The following AGBL2 variants were observed in gnomAD, a reference collection of about 807,000 sequenced individuals.
The protein encoded by AGBL2 is AGBL carboxypeptidase 2, also known as cytosolic carboxypeptidase 2.
In AGBL2, 87 loss-of-function variants were observed where a neutral mutation model predicts 103.0. The observed-to-expected ratio is 0.84, with a 90% CI of 0.71 to 1.01. The LOEUF (loss-of-function observed/expected upper bound fraction) is 1.01. AGBL2 is among the 50% of genes least tolerant of loss of function. AGBL2 has a pLI of 0.00. For missense variants in AGBL2, 904 were observed against 1,023.5 expected, an observed-to-expected ratio of 0.88 and a Z score of 1.59; for synonymous variants, 335 against 356.7, an observed-to-expected ratio of 0.94 and a Z score of 0.69.
chr11:47,710,089 A>C, intron 4 of AGBL2: 1 of 288,892 alleles, frequency 3.5e-6, no homozygotes, highest in East Asian at 6.7e-5. Flanking sequence ...GGGTTTTGCC[A>C]TGCTGGTCAG....
At chr11:47,666,780 T>C in intron 17 of AGBL2, 176 bp downstream of exon 17, 1 of 661,622 alleles carries the variant, frequency 1.5e-6, no homozygotes, top group East Asian at 2.7e-5. Flanking sequence ...TTCAGTCATG[T>C]CTAATCCAAA....
At chr11:47,665,719 G>T (rs2097339620) in intron 17 of AGBL2, among the ~76,000 whole-genome samples, 1 of 152,070 alleles carries the variant, frequency 6.6e-6, no homozygotes, top group Non-Finnish European at 1.5e-5. Flanking sequence ...TTTCCAAAGT[G>T]TTGGGTTTGG....
rs959860760 is a variant in AGBL2, at chr11:47,681,300, C to G, written c.1915+669G>C. ...AGAGCCATGATCATGCCACTACACT[C>G]TAGCCTGGGTGAAAGAAACCCTGTC... On this transcript the variant is annotated intron_variant, in intron 12 of 18. Transcript: ENST00000525123. 5.9e-5 allele frequency among the ~76,000 whole-genome samples: 9 copies of G among 152,070 alleles called. 1 individual carries two copies. The highest frequency in any genetic ancestry group is 2.1e-4 in the South Asian group (1 of 4,822).
chr11:47,707,024 TAAA>T (rs61459888), intron 4 of AGBL2, among the ~76,000 whole-genome samples: 16 of 111,598 alleles, frequency 1.4e-4, no homozygotes, highest in Middle Eastern at 4.5e-3. Flanking sequence ...CTGTCTCTAC[TAAA>T]AAAAAAAAAA....
chr11:47,711,198 C>G (rs1053502627), intron 3 of AGBL2, among the ~76,000 whole-genome samples: 10 of 152,156 alleles, frequency 6.6e-5, no homozygotes, highest in Admixed American at 3.9e-4. Flanking sequence ...GGAATTCCTT[C>G]TAAGGAAACT....
chr11:47,662,522 G>A (rs1396457949), intron 18 of AGBL2, among the ~76,000 whole-genome samples: 6 of 124,826 alleles, frequency 4.8e-5, no homozygotes, highest in Admixed American at 1.6e-4. Context: ...AGACGGAGTC[G>A]CACTCTGTCA....
At chr11:47,705,769 T>C in intron 5 of AGBL2, 95 bp downstream of exon 5, 2 of 1,077,688 alleles carry the variant, frequency 1.9e-6, no homozygotes, top group East Asian at 4.7e-5. Flanking sequence ...CCCATTCCTG[T>C]CTGGTAATTC....
rs748845312 is a variant in AGBL2, at chr11:47,667,676, C to T, written c.2235G>A (p.Met745Ile). The T allele has an allele frequency of 2.5e-6, 4 of 1,612,216 alleles. No homozygotes were observed. Among genetic ancestry groups the T allele is most frequent in the African/African-American group, 2.7e-5 (2 of 74,772 alleles). The change falls in exon 16 of 19, where the codon ATG becomes ATA. Residue 745 changes from methionine to isoleucine, a missense_variant. Met to Ile is a conservative substitution (Grantham distance 10). Transcript: ENST00000525123. The stretch of plus-strand genomic sequence containing the variant: ...GTGACTTCTTTTTTTTCTTCTTAAA[C>T]ATCTTCTTTTTCTGAGTCAGCTATT... The part of the protein sequence containing the change: ...IADELTQKKK[M>I]FKKKKKKSLQ...
intron 16 of AGBL2, among the ~76,000 whole-genome samples, 171 bp from the exon 17 acceptor site, chr11:47,667,234 G>T (rs933769671): frequency 1.3e-5 from 2 of 152,170 alleles, no homozygotes; most frequent in Non-Finnish European, 2.9e-5. Flanking sequence ...AGCTGTCTTA[G>T]CCTGGACCAG....
chr11:47,699,676 C>T (rs2097490482), intron 7 of AGBL2, 123 bp from the exon 8 acceptor site: 3 of 536,180 alleles, frequency 5.6e-6, no homozygotes, highest in Admixed American at 3.8e-5. Flanking sequence ...AACCAAATTC[C>T]CACCCTAAAT....
intron 14 of AGBL2, among the ~76,000 whole-genome samples, chr11:47,669,699 T>C (rs572285867): frequency 1.3e-5 from 2 of 151,038 alleles, no homozygotes; most frequent in Non-Finnish European, 3.0e-5. Context: ...AAAAGAAAAA[T>C]TTTTTTTTGA....
chr11:47,664,980 C>G (rs895235193), intron 17 of AGBL2, among the ~76,000 whole-genome samples: 3 of 151,278 alleles, frequency 2.0e-5, no homozygotes, highest in African/African-American at 7.3e-5. Context: ...CTCTCGGGCT[C>G]AAGCAATCCT....
intron 8 of AGBL2, among the ~76,000 whole-genome samples, chr11:47,697,859 T>C (rs1225800715): frequency 6.6e-6 from 1 of 151,154 alleles, no homozygotes; most frequent in African/African-American, 2.4e-5. Flanking sequence ...TTTTATTTTA[T>C]TTTTTATTTT....
At chr11:47,694,579 C>A (rs930271608) in intron 8 of AGBL2, among the ~76,000 whole-genome samples, 7 of 152,110 alleles carry the variant, frequency 4.6e-5, no homozygotes, top group Admixed American at 3.3e-4. Context: ...CAGTGTATGT[C>A]TTTAAATACA....
At chr11:47,702,672 G>A (rs1228882473) in intron 7 of AGBL2, among the ~76,000 whole-genome samples, 3 of 151,804 alleles carry the variant, frequency 2.0e-5, no homozygotes, top group African/African-American at 7.3e-5. Context: ...TCAGGAGTTC[G>A]AGACCAGCCT....
At chr11:47,711,194 C>T (rs761115012) in intron 3 of AGBL2, among the ~76,000 whole-genome samples, 3 of 152,198 alleles carry the variant, frequency 2.0e-5, no homozygotes, top group Non-Finnish European at 4.4e-5. Flanking sequence ...CTCTGGAATT[C>T]CTTCTAAGGA....
chr11:47,669,812 C>G (rs961842340), intron 14 of AGBL2, among the ~76,000 whole-genome samples: 1 of 152,252 alleles, frequency 6.6e-6, no homozygotes, highest in African/African-American at 2.4e-5. Flanking sequence ...GGGGTTTCAC[C>G]GTGTTAGCCA....
rs564613382 is a variant in AGBL2, at chr11:47,660,490, A to T, written c.2536-144T>A. ...AAATATAAAAGTAGTTGACAATGTT[A>T]CAGAACAGAGGTGAATTGAGCATTT... On this transcript the variant is annotated intron_variant, in intron 18 of 18. Transcript: ENST00000525123. 7.0e-5 allele frequency: 52 copies of T among 744,020 alleles called. No homozygotes were observed. The African/African-American group carries it at 8.7e-4, about 12-fold the overall frequency. 46.1% of individuals were successfully genotyped at this position (744,020 alleles called of 1,614,324 possible).
At chr11:47,676,710 T>TC (rs2097376039) in intron 14 of AGBL2, among the ~76,000 whole-genome samples, 1 of 150,570 alleles carries the variant, frequency 6.6e-6, no homozygotes, top group African/African-American at 2.5e-5. Context: ...TCCCAGCTAC[T>TC]CGGGAGGCTG....
Sources: allele counts gnomAD v4.1 joint callset (sites outside exome capture counted in the v4.1 genomes callset), GRCh38; gene constraint gnomAD v4.1.1; transcripts MANE v1.5; gene names NCBI Gene and HGNC (gene_info 2026-07-23, HGNC 2026-07-21).